NDUFB4: variants seen among roughly 807,000 people sequenced by gnomAD.
NDUFB4 encodes NADH dehydrogenase [ubiquinone] 1 beta subcomplex subunit 4.
In NDUFB4, 10 loss-of-function variants were observed where a neutral mutation model predicts 14.5. That is an observed-to-expected ratio of 0.69 (90% CI 0.43 to 1.17). NDUFB4 has a LOEUF of 1.17. Ranked by LOEUF, NDUFB4 falls within the 50% of genes most tolerant of loss-of-function variation. The pLI, the probability that NDUFB4 is intolerant of heterozygous loss-of-function variation, is 0.00. For missense variants in NDUFB4, 165 were observed against 161.1 expected (o/e 1.02, Z -0.13); for synonymous variants, 65 against 63.4 (o/e 1.03, Z -0.12).
intron 1 of NDUFB4, among the ~76,000 whole-genome samples, chr3:120,599,248 C>T (rs144510539): frequency 4.7e-4 from 72 of 152,156 alleles, no homozygotes; most frequent in Middle Eastern, 3.4e-3. Context: ...GGATATGTGA[C>T]GTTTTAGATG....
At chr3:120,601,020 C>G in intron 1 of NDUFB4, 91 bp from the exon 2 acceptor site, 1 of 1,101,930 alleles carries the variant, frequency 9.1e-7, no homozygotes, top group Non-Finnish European at 1.3e-6. Flanking sequence ...GAACAAAATG[C>G]GTCTGTGCTC....
chr3:120,598,558 GA>G (rs1313445342), intron 1 of NDUFB4, among the ~76,000 whole-genome samples: 2 of 152,068 alleles, frequency 1.3e-5, no homozygotes, highest in East Asian at 1.9e-4. Context: ...TAAGTGATGA[GA>G]AAAAAAATAA....
intron 2 of NDUFB4, 85 bp downstream of exon 2, chr3:120,601,342 C>T: frequency 1.9e-6 from 3 of 1,580,904 alleles, no homozygotes; most frequent in Non-Finnish European, 1.7e-6. Flanking sequence ...TTGAAGATTG[C>T]CACCAGTGCC....
chr3:120,596,734 G>A, intron 1 of NDUFB4, 195 bp downstream of exon 1: 1 of 611,068 alleles, frequency 1.6e-6, no homozygotes, highest in Non-Finnish European at 2.8e-6. Context: ...CTCAGACCTG[G>A]CTGGGTTTGA....
chr3:120,597,049 T>G (rs905987547), intron 1 of NDUFB4, among the ~76,000 whole-genome samples: 138 of 146,832 alleles, frequency 9.4e-4, no homozygotes, highest in Non-Finnish European at 1.8e-3. Context: ...TATATTATAT[T>G]CTATATATAT....
chr3:120,596,524 C>A lies in NDUFB4; in HGVS notation c.165C>A (p.Asn55Lys), dbSNP rs1379696138. ...REYLLQYNDP[N>K]RRGLIENPAL... ...ACCTGCTTCAGTACAACGATCCCAA[C>A]CGCCGAGGGCTCATCGTGAGTGTGG... The change falls in exon 1 of 3, where the codon AAC (asparagine) becomes AAA (lysine). Residue 55 changes from asparagine to lysine, a missense_variant. Coordinates refer to ENST00000184266, the MANE Select transcript of NDUFB4 (RefSeq NM_004547.6). 2 of 1,613,742 alleles carry A rather than the reference C, an allele frequency of 1.2e-6. No individual in the cohort carries two copies. The highest frequency in any genetic ancestry group is 1.7e-6 in the Non-Finnish European group (2 of 1,179,826).
At chr3:120,600,898 T>G in intron 1 of NDUFB4, 1 of 535,548 alleles carries the variant, frequency 1.9e-6, no homozygotes, top group Non-Finnish European at 3.2e-6. Context: ...ATGAGCCTTC[T>G]ACATTCTGAA....
chr3:120,600,136 T>TG (rs1940033853), intron 1 of NDUFB4, among the ~76,000 whole-genome samples: 10 of 144,898 alleles, frequency 6.9e-5, no homozygotes, highest in African/African-American at 2.3e-4. Flanking sequence ...TTTTTTTTTT[T>TG]AAACTTCTGA....
chr3:120,602,310 A>G lies in NDUFB4; in HGVS notation c.*40A>G, dbSNP rs370332345. On this transcript the variant is annotated 3_prime_UTR_variant, in exon 3 of 3. Transcript: ENST00000184266. The stretch of plus-strand genomic sequence containing the variant: ...ACTATATGTATTCCTGCCTAAATAA[A>G]TCATCTATTAATCATTAAGTAGTAG... The G allele has an allele frequency of 5.9e-4, 890 of 1,513,728 alleles. 1 individual carries two copies. Among genetic ancestry groups the G allele is most frequent in the Middle Eastern group, 3.1e-3 (13 of 4,226 alleles). The allele number at this position is 1,513,728 out of a possible 1,614,324, so 93.8% of individuals were successfully genotyped here. A position where few individuals can be genotyped will look rare whatever the true frequency, so the allele number is the denominator to read the frequency against.
chr3:120,601,486 G>C (rs749822825), intron 2 of NDUFB4: 3 of 1,388,446 alleles, frequency 2.2e-6, no homozygotes, highest in Non-Finnish European at 2.8e-6. Flanking sequence ...TTTTTAAAAA[G>C]ATGATGTTTA....
At chr3:120,601,642 G>A (rs1940066020) in intron 2 of NDUFB4, 2 of 1,043,132 alleles carry the variant, frequency 1.9e-6, no homozygotes. Flanking sequence ...CCTGTGTGGG[G>A]AATAGCTGCC....
At chr3:120,599,650 C>T (rs1450661593) in intron 1 of NDUFB4, among the ~76,000 whole-genome samples, 1 of 152,072 alleles carries the variant, frequency 6.6e-6, no homozygotes, top group African/African-American at 2.4e-5. Flanking sequence ...CTTTTGGAAC[C>T]TCTCAATAAC....
Position 120,602,276 on chromosome 3 carries a change from G to A in NDUFB4, c.*6G>A, listed in dbSNP as rs370900349. On this transcript the variant is annotated 3_prime_UTR_variant, in exon 3 of 3. Transcript: ENST00000184266. ...CATTTCACCTCTCATATTAAGTCTGGCAATGATGACTATATGTATTCCTGC... is the reference window on the plus strand; with the variant it reads ...CATTTCACCTCTCATATTAAGTCTGACAATGATGACTATATGTATTCCTGC... 1.9e-6 allele frequency: 3 copies of A among 1,601,850 alleles called. No homozygotes were observed. The highest frequency in any genetic ancestry group is 2.6e-6 in the Non-Finnish European group (3 of 1,173,380).
intron 2 of NDUFB4, chr3:120,601,553 A>G: frequency 1.6e-6 from 2 of 1,223,972 alleles, no homozygotes; most frequent in East Asian, 4.1e-5. Context: ...TGTTTGCGTG[A>G]ATTCTATTTA....
In NDUFB4 at chr3:120,602,454, G is replaced by C; in HGVS notation, c.*184G>C. The C allele has an allele frequency of 1.8e-6, 1 of 561,484 alleles. No individual in the cohort carries two copies. Among genetic ancestry groups the C allele is most frequent in the Admixed American group, 3.4e-5 (1 of 29,212 alleles). The allele number at this position is 561,484 out of a possible 1,614,324, so 34.8% of individuals were successfully genotyped here. A position where few individuals can be genotyped will look rare whatever the true frequency, so the allele number is the denominator to read the frequency against. ...GTCAGAGTGACAGCAAACATTTGCT[G>C]TACATTGAATGAATGAACATAAACT... On this transcript the variant is annotated 3_prime_UTR_variant, in exon 3 of 3. Transcript: ENST00000184266.
intron 2 of NDUFB4, 98 bp from the exon 3 acceptor site, chr3:120,602,110 T>G (rs1239360513): frequency 6.5e-7 from 1 of 1,529,328 alleles, no homozygotes; most frequent in East Asian, 2.5e-5. Flanking sequence ...TGTGCCAAAA[T>G]GCAGTTTTTC....
At chr3:120,601,392 C>T (rs1175405206) in intron 2 of NDUFB4, 135 bp downstream of exon 2, 2 of 1,497,358 alleles carry the variant, frequency 1.3e-6, no homozygotes, top group African/African-American at 2.8e-5. Flanking sequence ...CCCTTCCTCT[C>T]TTCTTTTATC....
At chr3:120,598,000 G>A (rs551583530) in intron 1 of NDUFB4, among the ~76,000 whole-genome samples, 1 of 151,954 alleles carries the variant, frequency 6.6e-6, no homozygotes, top group Admixed American at 6.5e-5. Context: ...GATTAAATGA[G>A]TGTGTGACAC....
intron 1 of NDUFB4, 126 bp downstream of exon 1, chr3:120,596,665 C>G: frequency 9.5e-7 from 1 of 1,054,194 alleles, no homozygotes; most frequent in Non-Finnish European, 1.4e-6. Flanking sequence ...CCAGGCCTAG[C>G]CAACTCACTA....
Sources: gnomAD v4.1 joint callset for allele counts (sites outside exome capture counted in the v4.1 genomes callset) on GRCh38, gnomAD v4.1.1 for gene constraint, MANE v1.5 for transcripts, NCBI Gene and HGNC (gene_info 2026-07-23, HGNC 2026-07-21) for gene names.